TRPM7: variants seen among roughly 807,000 people sequenced by gnomAD.
The protein encoded by TRPM7 is transient receptor potential cation channel subfamily M member 7.
TRPM7 carries 134 observed loss-of-function variants against 229.7 expected under a neutral mutation model. That is an observed-to-expected ratio of 0.58 (90% CI 0.51 to 0.67). TRPM7 has a LOEUF of 0.67. TRPM7 is among the 30% of genes least tolerant of loss of function. The probability of loss-of-function intolerance (pLI) is 0.00; values close to 1 mark genes in which losing one functional copy is unlikely to be tolerated. For missense variants in TRPM7, 1,901 were observed against 2,210.0 expected, an observed-to-expected ratio of 0.86 and a Z score of 2.80; for synonymous variants, 699 against 715.2, an observed-to-expected ratio of 0.98 and a Z score of 0.36.
rs1019317937 is a variant in TRPM7, at chr15:50,570,210, A to T, written c.5309-55T>A. The T allele has an allele frequency of 4.9e-5, 61 of 1,241,084 alleles. No individual in the cohort carries two copies. The South Asian group carries it at 8.5e-4, about 17-fold the overall frequency. 76.9% of individuals were successfully genotyped at this position (1,241,084 alleles called of 1,614,324 possible). On this transcript the variant is annotated intron_variant, in intron 36 of 38. Coordinates refer to ENST00000646667, the MANE Select transcript of TRPM7 (RefSeq NM_017672.6). ...AATTTATATTATATAATTGACATAA[A>T]TACTGACATCTGCATAATAAAAATC...
chr15:50,626,434 G>T lies in TRPM7; in HGVS notation c.1305+1715C>A, dbSNP rs761836628. ...AAAAGGGACCATTTTAAAAAAAAGTGTCTGTTTTGTAAGGAGCATTTCCTC... is the reference window on the plus strand; with the variant it reads ...AAAAGGGACCATTTTAAAAAAAAGTTTCTGTTTTGTAAGGAGCATTTCCTC... On this transcript the variant is annotated intron_variant, in intron 11 of 38. Transcript: ENST00000646667. Among the ~76,000 whole-genome samples the T allele has an allele frequency of 1.0e-3, 158 of 152,212 alleles. 1 individual carries two copies. The highest frequency in any genetic ancestry group is 1.4e-3 in the Non-Finnish European group (92 of 67,980).
rs554759424 is a variant in TRPM7 at position 50,684,504 on chromosome 15, G to C, written c.3+2027C>G. Among the ~76,000 whole-genome samples the C allele has an allele frequency of 1.4e-3, 213 of 152,142 alleles. 3 individuals carry two copies. Among genetic ancestry groups the C allele is most frequent in the Non-Finnish European group, 2.4e-3 (163 of 68,012 alleles). ...AAAAATACAAAAATTAGCCGGGTGT[G>C]GTGGCTCGCACCTGGAGTCCCAGCT... On this transcript the variant is annotated intron_variant, in intron 1 of 38. Coordinates refer to ENST00000646667, the MANE Select transcript of TRPM7 (RefSeq NM_017672.6).
rs565114303 is a variant in TRPM7 at position 50,606,151 on chromosome 15, C to T, written c.2710-1007G>A. Among the ~76,000 whole-genome samples the T allele has an allele frequency of 6.6e-5, 10 of 152,230 alleles. No homozygotes were observed. In the South Asian group the frequency reaches 8.3e-4, roughly 13 times the overall value. On this transcript the variant is annotated intron_variant, in intron 20 of 38. Coordinates refer to ENST00000646667, the MANE Select transcript of TRPM7 (RefSeq NM_017672.6). ...ATCCTAGCACTTCGGGAGACAAAGGCGGGCGGATCATGAGGTCAGGAGTTC... is the reference window on the plus strand; with the variant it reads ...ATCCTAGCACTTCGGGAGACAAAGGTGGGCGGATCATGAGGTCAGGAGTTC...
rs917379003 is a variant in TRPM7, at chr15:50,580,971, A to G, written c.4558-63T>C. ...AAAGACAAAAATCTCTAGATGAAGC[A>G]TAACGGTTTAACTTTTTTTCTTATA... On this transcript the variant is annotated intron_variant, in intron 29 of 38. Transcript: ENST00000646667. 3.3e-6 allele frequency: 5 copies of G among 1,508,096 alleles called. No homozygotes were observed. The Admixed American group carries it at 6.9e-5, about 21-fold the overall frequency. 93.4% of individuals were successfully genotyped at this position (1,508,096 alleles called of 1,614,324 possible). A position where few individuals can be genotyped will look rare whatever the true frequency, so the allele number is the denominator to read the frequency against.
At chr15:50,665,542 CT>C (rs2061857868) in intron 1 of TRPM7, among the ~76,000 whole-genome samples, 6 of 152,060 alleles carry the variant, frequency 3.9e-5, no homozygotes, top group Admixed American at 3.9e-4. Flanking sequence ...ACATTCAACA[CT>C]TTATATAACT....
chr15:50,618,590 A>C (rs2060297450), intron 13 of TRPM7, among the ~76,000 whole-genome samples: 1 of 146,320 alleles, frequency 6.8e-6, no homozygotes, highest in Non-Finnish European at 1.5e-5. Context: ...TAAATAAATA[A>C]ATAAATAAAT....
chr15:50,637,021 G>C (rs2060927382), intron 7 of TRPM7, among the ~76,000 whole-genome samples: 1 of 151,932 alleles, frequency 6.6e-6, no homozygotes, highest in African/African-American at 2.4e-5. Context: ...AGCTACTCAG[G>C]AGGCTGAGGC....
chr15:50,648,583 A>G, intron 4 of TRPM7, 104 bp downstream of exon 4: 3 of 1,002,658 alleles, frequency 3.0e-6, no homozygotes, highest in Non-Finnish European at 2.9e-6. Flanking sequence ...AAAATATACA[A>G]ATAAATTACT....
intron 1 of TRPM7, among the ~76,000 whole-genome samples, chr15:50,666,437 GAGA>G (rs1432394555): frequency 6.6e-6 from 1 of 151,618 alleles, no homozygotes; most frequent in African/African-American, 2.4e-5. Flanking sequence ...TGAGAGAAGG[GAGA>G]AGAAGGTAGA....
chr15:50,614,062 A>G, intron 14 of TRPM7, 61 bp downstream of exon 14: 1 of 1,463,798 alleles, frequency 6.8e-7, no homozygotes, highest in Non-Finnish European at 9.3e-7. Flanking sequence ...ATTCTTAACA[A>G]TTAAAGTGCA....
chr15:50,579,300 T>C (rs148311938), intron 30 of TRPM7, among the ~76,000 whole-genome samples: 14 of 152,316 alleles, frequency 9.2e-5, no homozygotes, highest in Non-Finnish European at 1.8e-4. Flanking sequence ...TACACAGCTA[T>C]GTAGCCTTGC....
chr15:50,609,346 G>T (rs1367977348), intron 19 of TRPM7, among the ~76,000 whole-genome samples: 1 of 151,996 alleles, frequency 6.6e-6, no homozygotes, highest in African/African-American at 2.4e-5. Context: ...AAGGCCAATG[G>T]TATTGTATAT....
chr15:50,645,697 T>C (rs1473206656), intron 4 of TRPM7, among the ~76,000 whole-genome samples: 1 of 152,194 alleles, frequency 6.6e-6, no homozygotes, highest in Non-Finnish European at 1.5e-5. Context: ...TTTGGGCACA[T>C]AAAGTAGTAT....
intron 5 of TRPM7, among the ~76,000 whole-genome samples, 185 bp from the exon 6 acceptor site, chr15:50,639,733 A>ATTTT (rs553888440): frequency 7.1e-6 from 1 of 140,180 alleles, no homozygotes; most frequent in Non-Finnish European, 1.6e-5. Context: ...CAGCCGGCTA[A>ATTTT]TTTTTTTTTT....
intron 31 of TRPM7, among the ~76,000 whole-genome samples, chr15:50,577,550 T>A (rs1011228263): frequency 6.6e-6 from 1 of 152,016 alleles, no homozygotes; most frequent in African/African-American, 2.4e-5. Context: ...CAAGACTCCT[T>A]CTCACCCGGG....
chr15:50,610,974 C>T, intron 17 of TRPM7, 119 bp downstream of exon 17: 3 of 749,418 alleles, frequency 4.0e-6, no homozygotes. Context: ...CATCTTGCTC[C>T]CTCTTTACCC....
In TRPM7 at chr15:50,615,988, A is replaced by G. The variant is rs2060212196; in HGVS notation, c.1495-1725T>C. Among the ~76,000 whole-genome samples, 3 of 152,202 alleles carry G rather than the reference A, an allele frequency of 2.0e-5. 1 individual carries two copies. The highest frequency in any genetic ancestry group is 4.1e-4 in the South Asian group (2 of 4,828). Reference sequence around the variant, plus strand: ...ATCTCTAATTTGAAAATAAATCAAAATACCTATTTCCATCTTGAATACAAG... The same window carrying G: ...ATCTCTAATTTGAAAATAAATCAAAGTACCTATTTCCATCTTGAATACAAG... On this transcript the variant is annotated intron_variant, in intron 13 of 38. Coordinates refer to ENST00000646667, the MANE Select transcript of TRPM7 (RefSeq NM_017672.6).
intron 38 of TRPM7, among the ~76,000 whole-genome samples, chr15:50,563,210 C>A (rs2053406519): frequency 6.6e-6 from 1 of 152,224 alleles, no homozygotes; most frequent in Admixed American, 6.5e-5. Flanking sequence ...TATTTCCACA[C>A]CACGACGGTA....
At chr15:50,589,497 A>G (rs2059430331) in intron 27 of TRPM7, 95 bp downstream of exon 27, 1 of 875,072 alleles carries the variant, frequency 1.1e-6, no homozygotes, top group South Asian at 1.5e-5. Context: ...CTAAAACTGT[A>G]TTTTTGCTGA....
Sources: gnomAD v4.1 joint callset for allele counts (sites outside exome capture counted in the v4.1 genomes callset) on GRCh38, gnomAD v4.1.1 for gene constraint, MANE v1.5 for transcripts, NCBI Gene and HGNC (gene_info 2026-07-23, HGNC 2026-07-21) for gene names.